Variants in ACACA observed in about 807,000 individuals in gnomAD.
ACACA encodes acetyl-CoA carboxylase 1.
ACACA carries 103 observed loss-of-function variants against 296.1 expected under a neutral mutation model. That is an observed-to-expected ratio of 0.35 (90% CI 0.30 to 0.41). The LOEUF is 0.41. Among genes scored for constraint, ACACA ranks in the 10% least tolerant of loss-of-function variants. The pLI is 1.00. For synonymous variants in ACACA, 953 were observed against 1,038.6 expected (o/e 0.92, Z 1.58); for missense variants, 1,554 against 2,989.7 (o/e 0.52, Z 11.20).
intron 1 of ACACA, among the ~76,000 whole-genome samples, chr17:37,380,842 C>T (rs1345043290): frequency 3.3e-5 from 5 of 151,578 alleles, no homozygotes; most frequent in African/African-American, 7.3e-5. Context: ...AGTATCTGCC[C>T]GCCTTGGCCT....
chr17:37,234,137 C>T (rs1396047195), intron 25 of ACACA, among the ~76,000 whole-genome samples: 4 of 151,974 alleles, frequency 2.6e-5, no homozygotes, highest in African/African-American at 9.7e-5. Context: ...CACAAAGAGA[C>T]AAAAAGAAAA....
intron 41 of ACACA, among the ~76,000 whole-genome samples, chr17:37,167,959 A>G (rs1362641596): frequency 6.6e-6 from 1 of 152,168 alleles, no homozygotes; most frequent in Non-Finnish European, 1.5e-5. Flanking sequence ...GAAGACTATG[A>G]ATAGCATTTA....
intron 10 of ACACA, among the ~76,000 whole-genome samples, chr17:37,270,466 C>T (rs1019787322): frequency 6.6e-6 from 1 of 152,108 alleles, no homozygotes; most frequent in Non-Finnish European, 1.5e-5. Context: ...AAGCCATACG[C>T]ACCAGGTAGG....
intron 5 of ACACA, among the ~76,000 whole-genome samples, chr17:37,278,353 T>C (rs2082362063): frequency 6.6e-6 from 1 of 152,186 alleles, no homozygotes; most frequent in Non-Finnish European, 1.5e-5. Context: ...AAAGTTCTAG[T>C]CCTGACATCC....
rs755349583 is a variant in ACACA at position 37,406,296 on chromosome 17, A to G, written c.4T>C (p.Trp2Arg). 6.2e-7 allele frequency: 1 copy of G among 1,614,164 alleles called. No individual in the cohort carries two copies. The highest frequency in any genetic ancestry group is 2.2e-5 in the East Asian group (1 of 44,886). M[W>R]WSTLMSILRA... Reference sequence around the variant, plus strand: ...AAGATTGACATCAGAGTAGACCACCACATCCTCTCATCATTGCGCCTCAAT... The same window carrying G: ...AAGATTGACATCAGAGTAGACCACCGCATCCTCTCATCATTGCGCCTCAAT... The change falls in exon 1 of 56, where the codon TGG (tryptophan) becomes CGG (arginine). Residue 2 changes from tryptophan (W) to arginine (R), a missense_variant. Trp to Arg is a moderately radical substitution (Grantham distance 101). Around this residue, in one of 16 missense-constraint regions of ACACA, gnomAD observed 140 missense variants for 147.7 expected, o/e 0.95. Transcript: ENST00000616317.
chr17:37,380,119 T>C (rs904320736), intron 1 of ACACA, among the ~76,000 whole-genome samples: 14 of 152,080 alleles, frequency 9.2e-5, no homozygotes, highest in African/African-American at 3.4e-4. Context: ...GTTCATGTCC[T>C]TTGTAGGGAC....
intron 29 of ACACA, among the ~76,000 whole-genome samples, chr17:37,218,912 A>G (rs1033405684): frequency 4.6e-5 from 7 of 152,250 alleles, no homozygotes; most frequent in Non-Finnish European, 7.3e-5. Context: ...ATTGTATAAT[A>G]AAGACTTTGG....
chr17:37,120,573 T>C (rs2074481957), intron 50 of ACACA, among the ~76,000 whole-genome samples: 1 of 152,196 alleles, frequency 6.6e-6, no homozygotes, highest in Non-Finnish European at 1.5e-5. Flanking sequence ...CCCTATCCTA[T>C]TGCTTTAGAA....
At chr17:37,390,330 A>AATATATATATC (rs1244676462) in intron 1 of ACACA, among the ~76,000 whole-genome samples, 1 of 41,592 alleles carries the variant, frequency 2.4e-5, no homozygotes, top group Non-Finnish European at 3.7e-5. Flanking sequence ...ATATATATAT[A>AATATATATATC]TATAAAAGGC....
intron 1 of ACACA, among the ~76,000 whole-genome samples, chr17:37,373,280 C>T (rs531340686): frequency 4.0e-5 from 6 of 151,896 alleles, no homozygotes; most frequent in Non-Finnish European, 8.8e-5. Flanking sequence ...TGGAGTCTTG[C>T]TCTGTCGCTT....
intron 16 of ACACA, 128 bp from the exon 17 acceptor site, chr17:37,248,802 C>T (rs865983326): frequency 1.8e-5 from 12 of 655,852 alleles, no homozygotes; most frequent in Middle Eastern, 3.5e-4. Context: ...CCTAAATGAT[C>T]GTTTGTAAGG....
At chr17:37,260,891 C>T (rs1224782552) in intron 11 of ACACA, among the ~76,000 whole-genome samples, 2 of 152,060 alleles carry the variant, frequency 1.3e-5, no homozygotes, top group South Asian at 2.1e-4. Flanking sequence ...GGGGGGTCCG[C>T]TGTGTTTTTT....
At chr17:37,148,180 T>G (rs537751743) in intron 45 of ACACA, among the ~76,000 whole-genome samples, 49 of 151,828 alleles carry the variant, frequency 3.2e-4, no homozygotes, top group Middle Eastern at 3.4e-3. Context: ...TAAAATTATC[T>G]TTGGCATTCA....
intron 45 of ACACA, among the ~76,000 whole-genome samples, chr17:37,147,301 C>A (rs566289294): frequency 6.6e-4 from 101 of 152,140 alleles, no homozygotes; most frequent in African/African-American, 2.4e-3. Context: ...ACACACAGGG[C>A]GGCACACAGA....
At chr17:37,268,737 C>CTATATATATATATATA (rs1302264722) in intron 10 of ACACA, among the ~76,000 whole-genome samples, 4 of 70,930 alleles carry the variant, frequency 5.6e-5, no homozygotes, top group African/African-American at 2.4e-4. Context: ...ATCTATCTAT[C>CTATATATATATATATA]TATCTATATA....
intron 47 of ACACA, among the ~76,000 whole-genome samples, chr17:37,127,292 T>C (rs537879020): frequency 1.2e-4 from 19 of 152,338 alleles, no homozygotes; most frequent in African/African-American, 4.6e-4. Flanking sequence ...TTCTAATTCT[T>C]ACTTCAATAA....
chr17:37,141,286 T>C lies in ACACA; in HGVS notation c.5679+8578A>G, dbSNP rs936094629. The C allele has an allele frequency of 1.5e-5, 8 of 546,424 alleles. No individual in the cohort carries two copies. In the East Asian group the frequency reaches 2.8e-4, roughly 19 times the overall value. 33.8% of individuals were successfully genotyped at this position (546,424 alleles called of 1,614,324 possible). A position where few individuals can be genotyped will look rare whatever the true frequency, so the allele number is the denominator to read the frequency against. ...CATGTCCTTGACCAGGTGGCCCAAC[T>C]TGGTCATCCATTCCTTGCCCTCAGC... is the stretch of plus-strand genomic sequence containing the variant. On this transcript the variant is annotated intron_variant, in intron 45 of 55. Coordinates refer to ENST00000616317, the MANE Select transcript of ACACA (RefSeq NM_198834.3).
chr17:37,097,702 T>C lies in ACACA; in HGVS notation c.6720+128A>G, dbSNP rs997442302. The C allele has an allele frequency of 5.5e-6, 6 of 1,088,992 alleles. No individual in the cohort carries two copies. The African/African-American group carries it at 9.5e-5, about 17-fold the overall frequency. 67.5% of individuals were successfully genotyped at this position (1,088,992 alleles called of 1,614,324 possible). Reference sequence around the variant, plus strand: ...GTGAAAATCTAAAAAATATTGAAAATGTTTTGATCTGCAGAAGTTGTTTTA... The same window carrying C: ...GTGAAAATCTAAAAAATATTGAAAACGTTTTGATCTGCAGAAGTTGTTTTA... On this transcript the variant is annotated intron_variant, in intron 53 of 55. Transcript: ENST00000616317. The surrounding 1 kb of genome is among the most constrained non-coding windows in gnomAD (Gnocchi z 4.8).
intron 45 of ACACA, among the ~76,000 whole-genome samples, chr17:37,147,115 A>C (rs1003248130): frequency 1.3e-5 from 2 of 152,094 alleles, no homozygotes; most frequent in African/African-American, 4.8e-5. Flanking sequence ...GTTTAACATA[A>C]AGGATGAAGA....
Sources: allele counts gnomAD v4.1 joint callset (sites outside exome capture counted in the v4.1 genomes callset), GRCh38; gene constraint gnomAD v4.1.1; regional missense constraint gnomAD v4.1.1; non-coding constraint Gnocchi (gnomAD v3.1); transcripts MANE v1.5; gene names NCBI Gene and HGNC (gene_info 2026-07-23, HGNC 2026-07-21).